CTNNA3: variants seen among roughly 807,000 people sequenced by gnomAD.
CTNNA3 encodes catenin alpha-3.
Under a neutral mutation model 95.7 loss-of-function variants are expected in CTNNA3, and 76 were observed. The observed-to-expected ratio is 0.79, with a 90% CI of 0.66 to 0.96. CTNNA3 has a LOEUF of 0.96. CTNNA3 is among the 40% of genes least tolerant of loss of function. CTNNA3 has a pLI of 0.00. For synonymous variants in CTNNA3, 431 were observed against 374.4 expected (o/e 1.15, Z -1.74); for missense variants, 1,191 against 1,089.8 (o/e 1.09, Z -1.31).
At chr10:66,249,426 GA>G (rs1471457901) in intron 13 of CTNNA3, among the ~76,000 whole-genome samples, 1 of 152,012 alleles carries the variant, frequency 6.6e-6, no homozygotes, top group Non-Finnish European at 1.5e-5. Context: ...AACTCTATAG[GA>G]AAAAATCTAA....
chr10:67,646,786 C>A (rs1300332372), intron 2 of CTNNA3, among the ~76,000 whole-genome samples: 1 of 152,004 alleles, frequency 6.6e-6, no homozygotes, highest in Non-Finnish European at 1.5e-5. Context: ...AAATTTAAAT[C>A]TATACCACTG....
At chr10:67,242,920 A>G (rs1323815675) in intron 5 of CTNNA3, among the ~76,000 whole-genome samples, 2 of 152,198 alleles carry the variant, frequency 1.3e-5, no homozygotes, top group East Asian at 3.8e-4. Context: ...AACAATTCCT[A>G]CCTTTTAGGG....
intron 5 of CTNNA3, among the ~76,000 whole-genome samples, chr10:67,293,660 C>T (rs915769033): frequency 8.3e-6 from 1 of 120,908 alleles, no homozygotes; most frequent in Non-Finnish European, 1.7e-5. Flanking sequence ...AATGCTATCC[C>T]TCCCCCTCCC....
Position 65,919,302 on chromosome 10 carries a change from T to G in CTNNA3, c.*1028A>C, listed in dbSNP as rs1261854979. ...TGACTTTTATTTAAAAGAACGTTAT[T>G]AAAATCACTCCAGCTTCATTGCCAT... On this transcript the variant is annotated 3_prime_UTR_variant, in exon 18 of 18. Coordinates refer to ENST00000433211, the MANE Select transcript of CTNNA3 (RefSeq NM_013266.4). The G allele has an allele frequency of 1.3e-5, 2 of 152,166 alleles. No individual in the cohort carries two copies. Among genetic ancestry groups the G allele is most frequent in the Non-Finnish European group, 2.9e-5 (2 of 68,020 alleles). The allele number at this position is 152,166 out of a possible 1,614,324, so 9.4% of individuals were successfully genotyped here. A position where few individuals can be genotyped will look rare whatever the true frequency, so the allele number is the denominator to read the frequency against.
intron 5 of CTNNA3, among the ~76,000 whole-genome samples, chr10:67,245,940 G>A (rs893089093): frequency 6.6e-6 from 1 of 151,370 alleles, no homozygotes; most frequent in African/African-American, 2.4e-5. Context: ...TAAACTTCCT[G>A]CTCCCTTTTG....
At chr10:65,976,652 C>T (rs951760190) in intron 16 of CTNNA3, among the ~76,000 whole-genome samples, 4 of 152,140 alleles carry the variant, frequency 2.6e-5, no homozygotes, top group Non-Finnish European at 4.4e-5. Context: ...TTAAAGCCTT[C>T]TTTCCCATTG....
At chr10:66,718,493 C>T (rs138281090) in intron 9 of CTNNA3, among the ~76,000 whole-genome samples, 1 of 151,974 alleles carries the variant, frequency 6.6e-6, no homozygotes, top group Non-Finnish European at 1.5e-5. Context: ...AAAATTAACA[C>T]TGAATATTTC....
intron 12 of CTNNA3, among the ~76,000 whole-genome samples, chr10:66,344,088 G>A (rs4443960): frequency 0.047 from 7,054 of 151,110 alleles, 252 homozygotes; most frequent in Non-Finnish European, 0.062. Context: ...TTAACCAGAC[G>A]TGGTGGCGGT....
At chr10:66,425,997 T>C (rs1306594386) in intron 11 of CTNNA3, among the ~76,000 whole-genome samples, 1 of 152,140 alleles carries the variant, frequency 6.6e-6, no homozygotes, top group Non-Finnish European at 1.5e-5. Flanking sequence ...ATCTACAATG[T>C]ATTTTTTGTA....
chr10:67,101,413 A>C (rs955591014), intron 7 of CTNNA3, among the ~76,000 whole-genome samples: 1 of 150,638 alleles, frequency 6.6e-6, no homozygotes, highest in Non-Finnish European at 1.5e-5. Context: ...TAAACCATGA[A>C]ATTTTTTTTA....
intron 1 of CTNNA3, among the ~76,000 whole-genome samples, chr10:67,673,588 C>G (rs1401776909): frequency 2.7e-5 from 4 of 146,678 alleles, no homozygotes; most frequent in East Asian, 4.1e-4. Context: ...TGAATTTTGT[C>G]AAAGGCCTTT....
intron 13 of CTNNA3, among the ~76,000 whole-genome samples, chr10:66,189,586 T>C (rs990865713): frequency 8.6e-6 from 1 of 116,880 alleles, no homozygotes; most frequent in East Asian, 2.4e-4. Context: ...CATACTGTTT[T>C]AGTTACTATA....
chr10:66,613,047 T>C (rs140367954), intron 10 of CTNNA3, among the ~76,000 whole-genome samples: 25 of 152,224 alleles, frequency 1.6e-4, no homozygotes, highest in Admixed American at 5.2e-4. Flanking sequence ...AGATCCTTTA[T>C]GTTAATGTGC....
At chr10:66,290,096 G>C (rs1185088491) in intron 12 of CTNNA3, among the ~76,000 whole-genome samples, 1 of 152,026 alleles carries the variant, frequency 6.6e-6, no homozygotes, top group East Asian at 1.9e-4. Context: ...AGGAAAGAAG[G>C]ATAGTAGTAG....
intron 12 of CTNNA3, among the ~76,000 whole-genome samples, chr10:66,290,750 A>T (rs2091667622): frequency 6.6e-6 from 1 of 152,192 alleles, no homozygotes. Context: ...AAGTCAATGC[A>T]TAAATGAATA....
rs763155054 is a variant in CTNNA3 at position 65,966,741 on chromosome 10, TG to T, written c.2270del (p.Pro757GlnfsTer23). ...ACAAGTCCTGTTTACAAGATGGATC[TG>T]GGCACTAAATATGAATCAAAGATAA... ...VLARQIANQC[P>X]DPSCKQDLLA... On this transcript the variant is annotated frameshift_variant, in exon 17 of 18. Transcript: ENST00000433211. LOFTEE classifies it high-confidence loss of function. 6.2e-7 allele frequency: 1 copy of T among 1,608,492 alleles called. No homozygotes were observed. Among genetic ancestry groups the T allele is most frequent in the South Asian group, 1.1e-5 (1 of 90,452 alleles).
intron 13 of CTNNA3, among the ~76,000 whole-genome samples, chr10:66,109,970 A>T (rs1038480436): frequency 1.3e-5 from 2 of 152,026 alleles, no homozygotes; most frequent in African/African-American, 4.8e-5. Flanking sequence ...GCATACTGTG[A>T]TGTTTACAAC....
intron 5 of CTNNA3, among the ~76,000 whole-genome samples, chr10:67,308,749 G>GTTAAGGGAT (rs1564554319): frequency 6.6e-6 from 1 of 152,114 alleles, no homozygotes; most frequent in Non-Finnish European, 1.5e-5. Context: ...TAGAGACCCA[G>GTTAAGGGAT]TTAATCAATC....
At chr10:66,660,137 G>A (rs1846211799) in intron 9 of CTNNA3, among the ~76,000 whole-genome samples, 1 of 152,042 alleles carries the variant, frequency 6.6e-6, no homozygotes, top group South Asian at 2.1e-4. Context: ...CTCATTCTAA[G>A]AGAGAATAGG....
Sources: gnomAD v4.1 joint callset for allele counts (sites outside exome capture counted in the v4.1 genomes callset) on GRCh38, gnomAD v4.1.1 for gene constraint, MANE v1.5 for transcripts, NCBI Gene and HGNC (gene_info 2026-07-23, HGNC 2026-07-21) for gene names.